The following NOTCH1 variants were observed in gnomAD, a reference collection of about 807,000 sequenced individuals.
NOTCH1 encodes neurogenic locus notch homolog protein 1.
In NOTCH1, 37 loss-of-function variants were observed where a neutral mutation model predicts 254.8. The ratio of observed to expected loss-of-function variants is 0.15; its 90% CI spans 0.11 to 0.19. NOTCH1 has a LOEUF of 0.19. Ranked by LOEUF, NOTCH1 falls within the 10% of genes least tolerant of loss-of-function variation. The probability of loss-of-function intolerance (pLI) is 1.00; values close to 1 mark genes in which losing one functional copy is unlikely to be tolerated. For synonymous variants in NOTCH1, 1,731 were observed against 1,618.1 expected (o/e 1.07, Z -1.68); for missense variants, 2,972 against 3,708.6 (o/e 0.80, Z 5.16).
intron 18 of NOTCH1, 119 bp downstream of exon 18, chr9:136,509,614 C>G: frequency 1.2e-6 from 1 of 851,616 alleles, no homozygotes. Context: ...CTCAATGCAG[C>G]CAGCGCTAAG....
At chr9:136,528,189 T>C (rs1843498880) in intron 2 of NOTCH1, among the ~76,000 whole-genome samples, 1 of 144,872 alleles carries the variant, frequency 6.9e-6, no homozygotes, top group African/African-American at 2.6e-5. Context: ...TTTATGGTCA[T>C]GCAGGGCCAG....
rs752854629 is a variant in NOTCH1, at chr9:136,510,666, G to A, written c.2727C>T (p.Asp909=). 2.9e-5 allele frequency: 47 copies of A among 1,607,164 alleles called. No homozygotes were observed. Among genetic ancestry groups the A allele is most frequent in the African/African-American group, 1.9e-4 (14 of 74,916 alleles). The change falls in exon 17 of 34, where the codon GAC becomes GAT. Residue 909 remains aspartate, a synonymous_variant. Coordinates refer to ENST00000651671, the MANE Select transcript of NOTCH1 (RefSeq NM_017617.5). The part of the protein sequence containing the change: ...YSGRNCETDI[D]DCRPNPCHNG... The stretch of plus-strand genomic sequence containing the variant: ...GGGGCTACTCACTGGGCCGGCAGTC[G>A]TCGATGTCGGTCTCGCAGTTGCGCC...
At chr9:136,512,679 C>T (rs1843199835) in intron 15 of NOTCH1, among the ~76,000 whole-genome samples, 1 of 152,218 alleles carries the variant, frequency 6.6e-6, no homozygotes, top group African/African-American at 2.4e-5. Flanking sequence ...GCTAAGGATT[C>T]ACCTGCATCT....
In NOTCH1 at chr9:136,500,654, G is replaced by A. The variant is rs2133325931; in HGVS notation, c.5832C>T (p.Ala1944=). 6.2e-7 allele frequency: 1 copy of A among 1,611,852 alleles called. No homozygotes were observed. Among genetic ancestry groups the A allele is most frequent in the Non-Finnish European group, 8.5e-7 (1 of 1,179,902 alleles). The change falls in exon 31 of 34, where the codon GCC becomes GCT. Residue 1944 remains alanine (A), a synonymous_variant. Transcript: ENST00000651671. The part of the protein sequence containing the change: ...LAARYSRSDA[A]KRLLEASADA... Reference sequence around the variant, plus strand: ...CTGCGCTGGCCTCCAGCAGGCGCTTGGCGGCATCAGAGCGTGAGTAGCGGG... The same window carrying A: ...CTGCGCTGGCCTCCAGCAGGCGCTTAGCGGCATCAGAGCGTGAGTAGCGGG...
chr9:136,510,725 C>T lies in NOTCH1; in HGVS notation c.2668G>A (p.Gly890Ser), dbSNP rs1248255443. ...CCGGCCTGGCAGTGGCAGCGGTAGC[C>T]GCCGTGGGTGTTCTGGCAGGATGCG... is the stretch of plus-strand genomic sequence containing the variant. The part of the protein sequence containing the change: ...HGASCQNTHG[G>S]YRCHCQAGYS... Residue 890 changes from glycine to serine, a missense_variant, in exon 17 of 34, where the codon GGC becomes AGC. By Grantham distance (56) the Gly-to-Ser change is moderately conservative. Around this residue, in one of 8 missense-constraint regions of NOTCH1, gnomAD observed 1,343 missense variants for 1,557.0 expected, o/e 0.86. Transcript: ENST00000651671. 12 of 1,610,232 alleles carry T rather than the reference C, an allele frequency of 7.5e-6. No homozygotes were observed. The highest frequency in any genetic ancestry group is 3.3e-5 in the South Asian group (3 of 91,070).
At chr9:136,509,124 G>C in intron 18 of NOTCH1, 53 bp from the exon 19 acceptor site, 1 of 1,480,484 alleles carries the variant, frequency 6.8e-7, no homozygotes, top group Non-Finnish European at 9.2e-7. Flanking sequence ...GTGGGTCCCC[G>C]CTCCAGCAGA....
intron 21 of NOTCH1, 36 bp downstream of exon 21, chr9:136,507,919 G>A: frequency 6.2e-7 from 1 of 1,604,854 alleles, no homozygotes; most frequent in Non-Finnish European, 8.5e-7. Context: ...CAACACTCGT[G>A]CCGGCCACAA....
At chr9:136,516,965 C>T (rs112938228) in intron 9 of NOTCH1, among the ~76,000 whole-genome samples, 225 of 150,914 alleles carry the variant, frequency 1.5e-3, no homozygotes, top group Middle Eastern at 0.01. Flanking sequence ...ACACAACCTA[C>T]GGCCAGGCAC....
At position 136,513,942 on chromosome 9, in the gene NOTCH1, G is replaced by A. The variant is rs1843222889; in HGVS notation, c.2208-405C>T. 6.6e-6 allele frequency among the ~76,000 whole-genome samples: 1 copy of A among 152,172 alleles called. No individual in the cohort carries two copies. The highest frequency in any genetic ancestry group is 1.5e-5 in the Non-Finnish European group (1 of 68,032). The stretch of plus-strand genomic sequence containing the variant: ...AGATCATGCCATTGCACTCCAGCCT[G>A]GACAACAGAGCAAGGCTCTGTCTCA... On this transcript the variant is annotated intron_variant, in intron 13 of 33. Transcript: ENST00000651671. The surrounding 1 kb of genome is among the most constrained non-coding windows in gnomAD (Gnocchi z 4.7).
rs1843244234 is a variant in NOTCH1 at position 136,515,208 on chromosome 9, C to A, written c.2014+82G>T. ...GGGCAGCACCAAAGCCCTCACCCAA[C>A]CCCTCAGCAGCCCCAGGGCAGAGTG... On this transcript the variant is annotated intron_variant, in intron 12 of 33. Transcript: ENST00000651671. 1.4e-5 allele frequency: 19 copies of A among 1,351,522 alleles called. No homozygotes were observed. In the Admixed American group the frequency reaches 2.1e-4, roughly 15 times the overall value. The allele number at this position is 1,351,522 out of a possible 1,614,324, so 83.7% of individuals were successfully genotyped here.
intron 27 of NOTCH1, 115 bp from the exon 28 acceptor site, chr9:136,502,603 C>G: frequency 1.6e-6 from 1 of 606,232 alleles, no homozygotes. Context: ...CTCACCCACT[C>G]TCCTCCATCC....
intron 26 of NOTCH1, 142 bp downstream of exon 26, chr9:136,504,531 T>G: frequency 1.1e-6 from 1 of 935,078 alleles, no homozygotes; most frequent in East Asian, 2.7e-5. Context: ...AAGTCCCAGG[T>G]CCTCTCGGAA....
rs2133379923 is a variant in NOTCH1 at position 136,523,991 on chromosome 9, T to C, written c.141-12A>G. ...AGGCCCCGCCACAGCTGTTGGCAGA[T>C]GTGCCAGGGCAGTTAGTTCCCACCT... On this transcript the variant is annotated splice_polypyrimidine_tract_variant and intron_variant, in intron 2 of 33. Coordinates refer to ENST00000651671, the MANE Select transcript of NOTCH1 (RefSeq NM_017617.5). The C allele has an allele frequency of 6.5e-7, 1 of 1,546,732 alleles. No individual in the cohort carries two copies. The highest frequency in any genetic ancestry group is 1.2e-5 in the South Asian group (1 of 84,316).
At chr9:136,509,650 T>A in intron 18 of NOTCH1, 83 bp downstream of exon 18, 1 of 1,313,328 alleles carries the variant, frequency 7.6e-7, no homozygotes, top group Non-Finnish European at 1.1e-6. Context: ...GGCGGACGCC[T>A]GCATGGTGTG....
Position 136,496,122 on chromosome 9 carries a change from A to C in NOTCH1, c.7617T>G (p.Pro2539=), listed in dbSNP as rs375444185. ...CGATCTGGGACTGCATGCTGGTGGG[A>C]GGGCTGGAGACGCCCTCGGACCAGT... ...VSDWSEGVSS[P]PTSMQSQIAR... The change falls in exon 34 of 34, where the codon CCT becomes CCG. Residue 2539 remains proline, a synonymous_variant. Coordinates refer to ENST00000651671, the MANE Select transcript of NOTCH1 (RefSeq NM_017617.5). The C allele has an allele frequency of 1.1e-5, 17 of 1,609,214 alleles. No homozygotes were observed. The African/African-American group carries it at 2.0e-4, about 19-fold the overall frequency.
chr9:136,510,878 C>T (rs1000801159), intron 16 of NOTCH1, 73 bp from the exon 17 acceptor site: 2 of 1,587,242 alleles, frequency 1.3e-6, no homozygotes, highest in African/African-American at 2.7e-5. Context: ...GCTGGCCCAC[C>T]CACCTACAGT....
At chr9:136,517,511 G>A in intron 8 of NOTCH1, 126 bp from the exon 9 acceptor site, 2 of 825,406 alleles carry the variant, frequency 2.4e-6, no homozygotes, top group Non-Finnish European at 3.9e-6. Flanking sequence ...CGGGCCCCCT[G>A]CGCACCCGCT....
Position 136,523,150 on chromosome 9 carries a change from G to A in NOTCH1, c.442C>T (p.Pro148Ser). Residue 148 changes from proline (P) to serine (S), a missense_variant, in exon 4 of 34, where the codon CCC (proline) becomes TCC (serine). Physicochemically the swap from Pro to Ser is moderately conservative, Grantham distance 74 (BLOSUM62 -1). Transcript: ENST00000651671. ...AGGCACTGGCCACCGTTGGCGCAGG[G>A]GTTGGAGGCGCACGGGTCAGCCTGC... ...CQQADPCASNPCANGGQCLPF... is the reference protein window; with the variant it reads ...CQQADPCASNSCANGGQCLPF... 1 of 1,606,008 alleles carries A rather than the reference G, an allele frequency of 6.2e-7. No individual in the cohort carries two copies. The highest frequency in any genetic ancestry group is 8.5e-7 in the Non-Finnish European group (1 of 1,177,218).
rs1362650044 is a variant in NOTCH1 at position 136,545,701 on chromosome 9, G to T, written c.61+25C>A. 2.1e-6 allele frequency: 3 copies of T among 1,443,004 alleles called. No individual in the cohort carries two copies. Among genetic ancestry groups the T allele is most frequent in the Non-Finnish European group, 2.7e-6 (3 of 1,103,230 alleles). 89.4% of individuals were successfully genotyped at this position (1,443,004 alleles called of 1,614,324 possible). A position where few individuals can be genotyped will look rare whatever the true frequency, so the allele number is the denominator to read the frequency against. ...GTTTCCAAAGGGCGCGGAAAGTGGG[G>T]GCTCGCGGGTGGGTGGGCGCCTACC... is the stretch of plus-strand genomic sequence containing the variant. On this transcript the variant is annotated intron_variant, in intron 1 of 33. Coordinates refer to ENST00000651671, the MANE Select transcript of NOTCH1 (RefSeq NM_017617.5). The surrounding 1 kb of genome is among the most constrained non-coding windows in gnomAD (Gnocchi z 6.8).
Sources: allele counts gnomAD v4.1 joint callset (sites outside exome capture counted in the v4.1 genomes callset), GRCh38; gene constraint gnomAD v4.1.1; regional missense constraint gnomAD v4.1.1; non-coding constraint Gnocchi (gnomAD v3.1); transcripts MANE v1.5; gene names NCBI Gene and HGNC (gene_info 2026-07-23, HGNC 2026-07-21).